The following PMM2 variants were observed in gnomAD, a reference collection of about 807,000 sequenced individuals.
PMM2 encodes mannose-6-phosphate isomerase.
In PMM2, 35 loss-of-function variants were observed where a neutral mutation model predicts 33.2. The observed-to-expected ratio is 1.06, with a 90% CI of 0.81 to 1.40. The LOEUF (loss-of-function observed/expected upper bound fraction) is 1.40, where lower values mean the gene tolerates loss of function less well. Among genes scored for constraint, PMM2 ranks in the 40% most tolerant of loss-of-function variants. The pLI, the probability that PMM2 is intolerant of heterozygous loss-of-function variation, is 0.00. For synonymous variants in PMM2, 153 were observed against 114.7 expected (o/e 1.33, Z -2.13); for missense variants, 386 against 306.0 (o/e 1.26, Z -1.95).
At position 8,829,778 on chromosome 16, in the gene PMM2, A is replaced by G. The variant is rs1040278794; in HGVS notation, c.639+16672A>G. ...GTGAATGTGACCAACCAGACAAACT[A>G]GGAGAGCCTGATGGACTTCCTTCAG... On this transcript the variant is annotated intron_variant, in intron 7 of 7. Coordinates refer to ENST00000268261, the MANE Select transcript of PMM2 (RefSeq NM_000303.3). Among the ~76,000 whole-genome samples the G allele has an allele frequency of 2.6e-5, 4 of 152,382 alleles. No individual in the cohort carries two copies. In the South Asian group the frequency reaches 8.3e-4, roughly 32 times the overall value.
Position 8,847,884 on chromosome 16 carries a change from C to T in PMM2, c.*59C>T, listed in dbSNP as rs1341269423. 3.7e-6 allele frequency: 5 copies of T among 1,346,620 alleles called. No individual in the cohort carries two copies. Among genetic ancestry groups the T allele is most frequent in the Non-Finnish European group, 5.3e-6 (5 of 946,976 alleles). The allele number at this position is 1,346,620 out of a possible 1,614,324, so 83.4% of individuals were successfully genotyped here. A position where few individuals can be genotyped will look rare whatever the true frequency, so the allele number is the denominator to read the frequency against. On this transcript the variant is annotated 3_prime_UTR_variant, in exon 8 of 8. Transcript: ENST00000268261. The stretch of plus-strand genomic sequence containing the variant: ...AAGCCAGCATAGGGCATTCGGTGGC[C>T]AGAGCCGAGGGTCCTCCCACACGTG...
chr16:8,834,787 C>T (rs1295146466), intron 7 of PMM2, among the ~76,000 whole-genome samples: 4 of 152,096 alleles, frequency 2.6e-5, no homozygotes, highest in Non-Finnish European at 4.4e-5. Context: ...ATCAATAAAT[C>T]AAGCGTGATC....
chr16:8,806,709 C>T (rs1567158644), intron 4 of PMM2: 1 of 439,782 alleles, frequency 2.3e-6, no homozygotes, highest in African/African-American at 2.0e-5. Flanking sequence ...TGGAAACAGT[C>T]CACAAAGCCA....
intron 7 of PMM2, among the ~76,000 whole-genome samples, chr16:8,841,145 G>C (rs1197542913): frequency 1.3e-5 from 2 of 151,588 alleles, no homozygotes; most frequent in Non-Finnish European, 2.9e-5. Context: ...AAGACCATTA[G>C]TCCGTTCTAC....
chr16:8,804,751 T>G lies in PMM2; in HGVS notation c.179-16T>G. 1 of 1,594,190 alleles carries G rather than the reference T, an allele frequency of 6.3e-7. No homozygotes were observed. ...GATTCTTTGCATTCTAAGTGTTTTT[T>G]TGGTTTTGATTGTAGTGGTTGAAAA... On this transcript the variant is annotated splice_polypyrimidine_tract_variant and intron_variant, in intron 2 of 7. Coordinates refer to ENST00000268261, the MANE Select transcript of PMM2 (RefSeq NM_000303.3).
At chr16:8,846,475 C>A (rs1210864540) in intron 7 of PMM2, among the ~76,000 whole-genome samples, 1 of 152,068 alleles carries the variant, frequency 6.6e-6, no homozygotes, top group Non-Finnish European at 1.5e-5. Flanking sequence ...CGGGGGCTTT[C>A]CTGCAGGGCT....
At chr16:8,806,471 T>C (rs757250941) in intron 4 of PMM2, 64 bp downstream of exon 4, 1 of 963,080 alleles carries the variant, frequency 1.0e-6, no homozygotes, top group Admixed American at 1.7e-5. Flanking sequence ...GGTGGGCTAA[T>C]GTGGGCATTC....
intron 7 of PMM2, among the ~76,000 whole-genome samples, chr16:8,840,705 C>T (rs574710483): frequency 9.4e-4 from 142 of 151,426 alleles, no homozygotes; most frequent in African/African-American, 3.4e-3. Context: ...ATGGACACAG[C>T]TTTATTCTGG....
chr16:8,846,903 G>T (rs913829564), intron 7 of PMM2, among the ~76,000 whole-genome samples: 4 of 152,016 alleles, frequency 2.6e-5, no homozygotes, highest in South Asian at 2.1e-4. Flanking sequence ...TCCCTTTGTC[G>T]CCCAGGCTGG....
chr16:8,834,826 T>A (rs939190692), intron 7 of PMM2, among the ~76,000 whole-genome samples: 3 of 151,864 alleles, frequency 2.0e-5, no homozygotes, highest in African/African-American at 7.3e-5. Flanking sequence ...GAAGGAAATA[T>A]GGGGAAATGG....
At chr16:8,814,816 G>A (rs1026662455) in intron 7 of PMM2, among the ~76,000 whole-genome samples, 1 of 152,146 alleles carries the variant, frequency 6.6e-6, no homozygotes, top group African/African-American at 2.4e-5. Context: ...GGATTTTTTT[G>A]TTGCTATTGT....
At chr16:8,804,021 G>GTTTTTTTT (rs113764347) in intron 2 of PMM2, among the ~76,000 whole-genome samples, 1 of 72,572 alleles carries the variant, frequency 1.4e-5, no homozygotes, top group African/African-American at 4.9e-5. Flanking sequence ...TTGTTTTTTG[G>GTTTTTTTT]GTTTTTTTTG....
chr16:8,833,454 C>T (rs1354495243), intron 7 of PMM2, among the ~76,000 whole-genome samples: 1 of 152,092 alleles, frequency 6.6e-6, no homozygotes, highest in African/African-American at 2.4e-5. Context: ...TTGGCTTGGG[C>T]TCAGAGGCCT....
At chr16:8,831,356 A>G (rs1472657102) in intron 7 of PMM2, among the ~76,000 whole-genome samples, 1 of 152,046 alleles carries the variant, frequency 6.6e-6, no homozygotes, top group East Asian at 1.9e-4. Context: ...TACTTGTTAA[A>G]CAACCAAAAT....
intron 7 of PMM2, among the ~76,000 whole-genome samples, chr16:8,843,043 TTTGC>T (rs1567170349): frequency 2.0e-5 from 3 of 151,708 alleles, no homozygotes; most frequent in Admixed American, 2.0e-4. Flanking sequence ...AAGCAGATAA[TTTGC>T]TTAAAATATC....
At chr16:8,816,338 C>T (rs2060707911) in intron 7 of PMM2, among the ~76,000 whole-genome samples, 1 of 151,778 alleles carries the variant, frequency 6.6e-6, no homozygotes, top group Non-Finnish European at 1.5e-5. Context: ...GTTGGCCAGC[C>T]TGGTCTCGAA....
chr16:8,847,554 A>T, intron 7 of PMM2, 170 bp from the exon 8 acceptor site: 1 of 627,058 alleles, frequency 1.6e-6, no homozygotes, highest in Admixed American at 2.4e-5. Context: ...TCTTCTTAAT[A>T]ACAATTGTAC....
chr16:8,836,050 T>C (rs1395643133), intron 7 of PMM2, among the ~76,000 whole-genome samples: 3 of 151,082 alleles, frequency 2.0e-5, no homozygotes, highest in Admixed American at 6.6e-5. Context: ...GAGTAATGTC[T>C]AAATTGGCAC....
At chr16:8,802,691 G>T (rs970058696) in intron 2 of PMM2, among the ~76,000 whole-genome samples, 1 of 152,160 alleles carries the variant, frequency 6.6e-6, no homozygotes, top group South Asian at 2.1e-4. Context: ...TGAGCTGGGC[G>T]TGATGACGGG....
Sources: gnomAD v4.1 joint callset for allele counts (sites outside exome capture counted in the v4.1 genomes callset) on GRCh38, gnomAD v4.1.1 for gene constraint, MANE v1.5 for transcripts, NCBI Gene and HGNC (gene_info 2026-07-23, HGNC 2026-07-21) for gene names.